TAF12: variants seen among roughly 807,000 people sequenced by gnomAD.
TAF12 encodes TATA-box binding protein associated factor 12.
TAF12 carries 3 observed loss-of-function variants against 20.8 expected under a neutral mutation model. The observed-to-expected ratio is 0.14, with a 90% confidence interval of 0.07 to 0.37. The LOEUF (loss-of-function observed/expected upper bound fraction) is 0.37, where lower values mean the gene tolerates loss of function less well. Ranked by LOEUF, TAF12 falls within the 10% of genes least tolerant of loss-of-function variation. The probability of loss-of-function intolerance (pLI) is 1.00; values close to 1 mark genes in which losing one functional copy is unlikely to be tolerated. For synonymous variants in TAF12, 69 were observed against 70.2 expected (o/e 0.98, Z 0.09); for missense variants, 131 against 197.9 (o/e 0.66, Z 2.03).
At chr1:28,622,911 C>T (rs1667266448) in intron 1 of TAF12, among the ~76,000 whole-genome samples, 1 of 151,996 alleles carries the variant, frequency 6.6e-6, no homozygotes. Context: ...TAATCCCTCC[C>T]AGCTACTGGG....
intron 3 of TAF12, among the ~76,000 whole-genome samples, chr1:28,613,637 G>T (rs1428621435): frequency 6.6e-6 from 1 of 152,146 alleles, no homozygotes; most frequent in African/African-American, 2.4e-5. Context: ...TTATTAGTGG[G>T]AAAATAAAAG....
chr1:28,628,281 C>T (rs1232109808), intron 1 of TAF12, among the ~76,000 whole-genome samples: 5 of 113,252 alleles, frequency 4.4e-5, no homozygotes, highest in African/African-American at 1.7e-4. Context: ...ATGAGAATGG[C>T]TTGAACCCAG....
At chr1:28,647,374 A>G (rs1012081624), upstream of TAF12, among the ~76,000 whole-genome samples, 2 of 151,820 alleles carry the variant, frequency 1.3e-5, no homozygotes, top group African/African-American at 4.8e-5. Flanking sequence ...TGTAGCCTTG[A>G]CTTCCCTGGC....
chr1:28,630,622 G>A (rs979045229), intron 1 of TAF12, among the ~76,000 whole-genome samples: 1 of 151,924 alleles, frequency 6.6e-6, no homozygotes, highest in Non-Finnish European at 1.5e-5. Context: ...GAAAACAGGA[G>A]AAAACCTTCA....
chr1:28,605,491 C>G (rs745729539), intron 4 of TAF12, 31 bp from the exon 5 acceptor site: 5 of 1,610,384 alleles, frequency 3.1e-6, no homozygotes, highest in Non-Finnish European at 4.2e-6. Flanking sequence ...CAGAGATAAA[C>G]GTACCAAGAA....
upstream of TAF12, among the ~76,000 whole-genome samples, chr1:28,647,205 A>G (rs531158874): frequency 3.9e-5 from 6 of 152,180 alleles, no homozygotes; most frequent in Admixed American, 3.9e-4. Flanking sequence ...TAAACACTAA[A>G]CTGTTCACAG....
chr1:28,643,270 C>T (rs115244472), upstream of TAF12: 442 of 216,318 alleles, frequency 2.0e-3, 2 homozygotes, highest in African/African-American at 1.0e-2. Context: ...CATGAGCGAG[C>T]TCTGCGTATT....
intron 3 of TAF12, among the ~76,000 whole-genome samples, chr1:28,613,768 G>A (rs956801819): frequency 6.6e-6 from 1 of 152,182 alleles, no homozygotes; most frequent in South Asian, 2.1e-4. Context: ...ATTCCATAGA[G>A]GATTTCACAG....
chr1:28,610,025 G>A (rs1288841849), intron 4 of TAF12, among the ~76,000 whole-genome samples: 4 of 151,688 alleles, frequency 2.6e-5, no homozygotes, highest in Non-Finnish European at 5.9e-5. Context: ...CACCCAGGCT[G>A]GAATGCAGTG....
intron 3 of TAF12, 130 bp downstream of exon 3, chr1:28,617,823 G>A: frequency 1.1e-6 from 1 of 898,590 alleles, no homozygotes; most frequent in East Asian, 2.5e-5. Flanking sequence ...GAACCTCTGG[G>A]TTCCAGCAAT....
chr1:28,648,077 C>A, upstream of TAF12: 1 of 735,460 alleles, frequency 1.4e-6, no homozygotes, highest in Non-Finnish European at 1.7e-6. Flanking sequence ...TATGCGTGAC[C>A]TTGTGACCTT....
chr1:28,642,208 C>T (rs1668058348), intron 1 of TAF12, among the ~76,000 whole-genome samples: 1 of 152,172 alleles, frequency 6.6e-6, no homozygotes, highest in Non-Finnish European at 1.5e-5. Flanking sequence ...GATTGAGTAT[C>T]TGACACAAGA....
intron 1 of TAF12, among the ~76,000 whole-genome samples, chr1:28,641,666 C>T (rs1668037968): frequency 6.6e-6 from 1 of 151,750 alleles, no homozygotes; most frequent in African/African-American, 2.4e-5. Context: ...TGGTGGCACA[C>T]GCCCGTAGTT....
At chr1:28,633,732 T>G (rs1667719833) in intron 1 of TAF12, among the ~76,000 whole-genome samples, 1 of 151,578 alleles carries the variant, frequency 6.6e-6, no homozygotes, top group Non-Finnish European at 1.5e-5. Context: ...ACCAACATGG[T>G]GAAACCCCGT....
intron 1 of TAF12, among the ~76,000 whole-genome samples, chr1:28,642,051 T>C (rs1269908619): frequency 6.6e-6 from 1 of 152,184 alleles, no homozygotes; most frequent in Admixed American, 6.6e-5. Flanking sequence ...TTATTTGAGA[T>C]GCAGAGATCT....
chr1:28,613,403 G>A (rs1380523736), intron 3 of TAF12, 42 bp from the exon 4 acceptor site: 1 of 1,533,268 alleles, frequency 6.5e-7, no homozygotes, highest in Non-Finnish European at 8.9e-7. Context: ...GACATTGGCA[G>A]GGTAGGCTCC....
At chr1:28,622,538 T>C (rs1016949457) in intron 1 of TAF12, among the ~76,000 whole-genome samples, 1 of 152,018 alleles carries the variant, frequency 6.6e-6, no homozygotes, top group African/African-American at 2.4e-5. Context: ...TTAAGTGAAA[T>C]AGTCCACAAA....
At chr1:28,610,745 C>T (rs369356635) in intron 4 of TAF12, among the ~76,000 whole-genome samples, 5 of 151,674 alleles carry the variant, frequency 3.3e-5, no homozygotes, top group Admixed American at 1.3e-4. Context: ...GAGGATCAGG[C>T]GGTCAGGAGT....
chr1:28,612,023 GTGTGT>G (rs1232953907), intron 4 of TAF12, among the ~76,000 whole-genome samples: 2 of 152,154 alleles, frequency 1.3e-5, no homozygotes, highest in Admixed American at 6.6e-5. Flanking sequence ...ATTACCTGAA[GTGTGT>G]TATTTACTTT....
Sources: gnomAD v4.1 joint callset for allele counts (sites outside exome capture counted in the v4.1 genomes callset) on GRCh38, gnomAD v4.1.1 for gene constraint, MANE v1.5 for transcripts, NCBI Gene and HGNC (gene_info 2026-07-23, HGNC 2026-07-21) for gene names.